Variants in TTC29 observed in about 807,000 individuals in gnomAD.
TTC29 encodes the protein tetratricopeptide repeat domain 29.
A neutral mutation model predicts 58.1 loss-of-function variants in TTC29; 49 were observed. The observed-to-expected ratio is 0.84, with a 90% CI of 0.67 to 1.07. The LOEUF is 1.07. Among genes scored for constraint, TTC29 ranks in the 50% least tolerant of loss-of-function variants. The pLI is 0.00. For missense variants in TTC29, 582 were observed against 555.6 expected, an observed-to-expected ratio of 1.05 and a Z score of -0.48; for synonymous variants, 209 against 196.8, an observed-to-expected ratio of 1.06 and a Z score of -0.52.
At chr4:146,888,439 T>C (rs1232380995) in intron 6 of TTC29, among the ~76,000 whole-genome samples, 2 of 152,166 alleles carry the variant, frequency 1.3e-5, no homozygotes, top group African/African-American at 4.8e-5. Context: ...CTGGTCTGCC[T>C]GAGGTCATTC....
intron 8 of TTC29, among the ~76,000 whole-genome samples, chr4:146,846,907 T>C (rs1307859699): frequency 1.3e-5 from 2 of 152,200 alleles, no homozygotes; most frequent in Admixed American, 6.5e-5. Context: ...TCTGTACAAT[T>C]TGATATCCTT....
At chr4:146,759,777 G>A (rs1480199672) in intron 11 of TTC29, among the ~76,000 whole-genome samples, 1 of 151,968 alleles carries the variant, frequency 6.6e-6, no homozygotes, top group Non-Finnish European at 1.5e-5. Context: ...GCATACAAGG[G>A]ACATACCTTA....
chr4:146,814,499 G>GGGC (rs1328977326), intron 10 of TTC29, among the ~76,000 whole-genome samples: 1 of 152,016 alleles, frequency 6.6e-6, no homozygotes, highest in Non-Finnish European at 1.5e-5. Flanking sequence ...AGGCCGAAGT[G>GGGC]GGCGGATCAT....
chr4:146,753,239 A>T (rs1746159535), intron 11 of TTC29, among the ~76,000 whole-genome samples: 1 of 152,196 alleles, frequency 6.6e-6, no homozygotes, highest in Admixed American at 6.5e-5. Flanking sequence ...AAAGTGGGCA[A>T]AGGATATGAA....
chr4:146,797,751 G>A (rs1241766583), intron 11 of TTC29, among the ~76,000 whole-genome samples: 1 of 149,882 alleles, frequency 6.7e-6, no homozygotes, highest in Non-Finnish European at 1.5e-5. Context: ...TTTGCTTACA[G>A]TTTACTGGGC....
At chr4:146,707,220 T>C in intron 12 of TTC29, 32 bp from the exon 13 acceptor site, 2 of 1,365,958 alleles carry the variant, frequency 1.5e-6, no homozygotes, top group Non-Finnish European at 2.0e-6. Flanking sequence ...ATTTAACTTT[T>C]ATACTGGGCT....
At chr4:146,832,899 A>G (rs1227561270) in intron 9 of TTC29, among the ~76,000 whole-genome samples, 1 of 152,160 alleles carries the variant, frequency 6.6e-6, no homozygotes. Context: ...ATTTTAAACT[A>G]TGATTATTAT....
intron 11 of TTC29, among the ~76,000 whole-genome samples, chr4:146,712,300 T>C (rs1184165142): frequency 6.6e-6 from 1 of 152,148 alleles, no homozygotes; most frequent in Non-Finnish European, 1.5e-5. Context: ...ACATATAAAT[T>C]TTTTCATTAA....
intron 11 of TTC29, 143 bp downstream of exon 11, chr4:146,803,314 C>T: frequency 1.6e-6 from 1 of 622,544 alleles, no homozygotes; most frequent in Non-Finnish European, 2.7e-6. Flanking sequence ...GTATATCCAA[C>T]CTTCATGTAG....
intron 11 of TTC29, among the ~76,000 whole-genome samples, chr4:146,776,694 T>C (rs948610647): frequency 6.6e-6 from 1 of 152,202 alleles, no homozygotes; most frequent in African/African-American, 2.4e-5. Flanking sequence ...TGGGCAGTAT[T>C]AGCAAAAGCA....
At chr4:146,942,169 C>T (rs1329630823) in intron 2 of TTC29, among the ~76,000 whole-genome samples, 1 of 152,136 alleles carries the variant, frequency 6.6e-6, no homozygotes, top group African/African-American at 2.4e-5. Context: ...AATCCTAGTA[C>T]TACCAGTTTA....
At chr4:146,732,659 G>C (rs1022593807) in intron 11 of TTC29, among the ~76,000 whole-genome samples, 1 of 152,108 alleles carries the variant, frequency 6.6e-6, no homozygotes, top group African/African-American at 2.4e-5. Flanking sequence ...AAGGAAGTGA[G>C]AGAAGAAAAT....
At chr4:146,786,963 GA>G (rs796119909) in intron 11 of TTC29, among the ~76,000 whole-genome samples, 44 of 151,792 alleles carry the variant, frequency 2.9e-4, no homozygotes, top group Non-Finnish European at 5.5e-4. Flanking sequence ...AAAAAAAAGA[GA>G]AAAAAAATTA....
At chr4:146,868,333 T>C (rs1427229188) in intron 7 of TTC29, among the ~76,000 whole-genome samples, 1 of 152,050 alleles carries the variant, frequency 6.6e-6, no homozygotes, top group Admixed American at 6.6e-5. Context: ...GTAACTAACC[T>C]GCACATTGTG....
At chr4:146,762,561 C>G (rs1416706742) in intron 11 of TTC29, among the ~76,000 whole-genome samples, 1 of 151,912 alleles carries the variant, frequency 6.6e-6, no homozygotes, top group East Asian at 1.9e-4. Context: ...ATTTCTATTT[C>G]AAGAAAAGGT....
chr4:146,708,757 T>G (rs943265552), intron 11 of TTC29, among the ~76,000 whole-genome samples: 1 of 152,086 alleles, frequency 6.6e-6, no homozygotes, highest in Non-Finnish European at 1.5e-5. Context: ...ACTTTGCCTT[T>G]TGGAATATTT....
At chr4:146,776,553 G>T (rs1322862767) in intron 11 of TTC29, among the ~76,000 whole-genome samples, 1 of 151,996 alleles carries the variant, frequency 6.6e-6, no homozygotes. Flanking sequence ...CCAAGGTTTA[G>T]CTCAGCCCTC....
chr4:146,812,829 T>A (rs1353602634), intron 10 of TTC29: 2 of 152,232 alleles, frequency 1.3e-5, no homozygotes, highest in Non-Finnish European at 2.9e-5. Flanking sequence ...ACTGTCTAAA[T>A]CTCTTCTCCA....
At chr4:146,714,022 G>A (rs1439673140) in intron 11 of TTC29, among the ~76,000 whole-genome samples, 1 of 152,028 alleles carries the variant, frequency 6.6e-6, no homozygotes. Context: ...ATTCAAGACA[G>A]TGTAACAGAA....
Sources: allele counts gnomAD v4.1 joint callset (sites outside exome capture counted in the v4.1 genomes callset), GRCh38; gene constraint gnomAD v4.1.1; transcripts MANE v1.5; gene names NCBI Gene and HGNC (gene_info 2026-07-23, HGNC 2026-07-21).